The following CSF2RA variants were observed in gnomAD, a reference collection of about 807,000 sequenced individuals.
The protein encoded by CSF2RA is granulocyte-macrophage colony-stimulating factor receptor subunit alpha.
In CSF2RA, 42 loss-of-function variants were observed where a neutral mutation model predicts 51.6. The observed-to-expected ratio is 0.81, with a 90% CI of 0.64 to 1.05. The LOEUF is 1.05. CSF2RA is among the 50% of genes least tolerant of loss of function. CSF2RA has a pLI of 0.00. For missense variants in CSF2RA, 530 were observed against 501.1 expected, an observed-to-expected ratio of 1.06 and a Z score of -0.55; for synonymous variants, 222 against 193.0, an observed-to-expected ratio of 1.15 and a Z score of -1.24.
At chrX:1,289,677 T>G (rs2091156121) in intron 6 of CSF2RA, among the ~76,000 whole-genome samples, 2 of 149,660 alleles carry the variant, frequency 1.3e-5, no homozygotes, top group Admixed American at 1.3e-4. Context: ...TTTTGTTTTG[T>G]GTTGTGTTTG....
rs1428196476 is a variant in CSF2RA, at chrX:1,303,977, G to C, written c.1001G>C (p.Gly334Ala). The C allele has an allele frequency of 1.2e-6, 2 of 1,613,158 alleles. No individual in the cohort carries two copies. The highest frequency in any genetic ancestry group is 1.7e-6 in the Non-Finnish European group (2 of 1,179,770). Residue 334 changes from glycine (G) to alanine (A), a missense_variant, in exon 11 of 13, where the codon GGA (glycine) becomes GCA (alanine). Physicochemically the swap from Gly to Ala is moderately conservative, Grantham distance 60 (BLOSUM62 0). Coordinates refer to ENST00000381529, the MANE Select transcript of CSF2RA (RefSeq NM_172245.4). Reference protein sequence around the residue: ...SVYIYVLLIVGTLVCGIVLGF... With the variant: ...SVYIYVLLIVATLVCGIVLGF... ...TACATTTATGTGCTCCTAATCGTGGGAACCCTTGTCTGTGGCATCGTCCTC... is the reference window on the plus strand; with the variant it reads ...TACATTTATGTGCTCCTAATCGTGGCAACCCTTGTCTGTGGCATCGTCCTC...
intron 4 of CSF2RA, among the ~76,000 whole-genome samples, chrX:1,287,445 T>C (rs1413206304): frequency 4.7e-5 from 7 of 148,540 alleles, no homozygotes; most frequent in Admixed American, 3.4e-4. Flanking sequence ...AGCCACCGTG[T>C]CCGACCTTTA....
intron 12 of CSF2RA, 78 bp downstream of exon 12, chrX:1,305,605 C>T (rs778456206): frequency 2.0e-5 from 32 of 1,613,686 alleles, no homozygotes; most frequent in South Asian, 3.3e-5. Context: ...CTCTGGGTGT[C>T]GACCATCTTG....
chrX:1,271,673 T>C (rs2088454530), intron 1 of CSF2RA, among the ~76,000 whole-genome samples: 2 of 151,900 alleles, frequency 1.3e-5, no homozygotes, highest in Admixed American at 6.6e-5. Flanking sequence ...TGTGCTACCA[T>C]GCCCGGCTAA....
the CSF2RA span, among the ~76,000 whole-genome samples, chrX:1,316,379 A>T: frequency 6.6e-6 from 1 of 152,084 alleles, no homozygotes; most frequent in African/African-American, 2.4e-5. Context: ...GTTGGAACTG[A>T]TCTCACTTGT....
Position 1,299,904 on chromosome X carries a change from C to A in CSF2RA, c.811-587C>A, listed in dbSNP as rs1217652676. Among the ~76,000 whole-genome samples, 3 of 145,402 alleles carry A rather than the reference C, an allele frequency of 2.1e-5. 1 individual carries two copies. Among genetic ancestry groups the A allele is most frequent in the Non-Finnish European group, 4.5e-5 (3 of 66,054 alleles). ...TTGCACTCCAGCCTGGGCGACAGAG[C>A]GAGAGTGTCTCAAATAAAATAAAAT... On this transcript the variant is annotated intron_variant, in intron 9 of 12. Coordinates refer to ENST00000381529, the MANE Select transcript of CSF2RA (RefSeq NM_172245.4).
At chrX:1,290,060 TTG>T (rs1235448524) in intron 6 of CSF2RA, among the ~76,000 whole-genome samples, 1 of 151,780 alleles carries the variant, frequency 6.6e-6, no homozygotes, top group Non-Finnish European at 1.5e-5. Flanking sequence ...TTGTTTTGTT[TTG>T]TGTTTTTGAT....
In CSF2RA at chrX:1,305,500, G is replaced by A. The variant is rs752696371; in HGVS notation, c.1098G>A (p.Leu366=). 6.2e-7 allele frequency: 1 copy of A among 1,613,954 alleles called. No homozygotes were observed. Among genetic ancestry groups the A allele is most frequent in the South Asian group, 1.1e-5 (1 of 91,076 alleles). Residue 366 remains leucine, a synonymous_variant, in exon 12 of 13, where the codon CTG becomes CTA. Transcript: ENST00000381529. ...CAGTTCCACAGATCAAAGACAAACTGAATGATAACCATGAGGTGGAAGACG... is the reference window on the plus strand; with the variant it reads ...CAGTTCCACAGATCAAAGACAAACTAAATGATAACCATGAGGTGGAAGACG... ...FPPVPQIKDK[L]NDNHEVEDEI...
chrX:1,301,560 C>T (rs755036764), intron 10 of CSF2RA, among the ~76,000 whole-genome samples: 1 of 149,074 alleles, frequency 6.7e-6, no homozygotes, highest in African/African-American at 2.5e-5. Context: ...CATTCCGGCT[C>T]CCTGGCCAAG....
chrX:1,270,489 C>T (rs28709954), intron 1 of CSF2RA, among the ~76,000 whole-genome samples: 130,005 of 151,756 alleles, frequency 0.86, 56,117 homozygotes, highest in Non-Finnish European at 0.92. Context: ...TCTTCCTGCC[C>T]CAGCCTCCCA....
chrX:1,274,867 T>G, intron 2 of CSF2RA, 49 bp downstream of exon 2: 3 of 453,442 alleles, frequency 6.6e-6, no homozygotes, highest in South Asian at 4.7e-5. Context: ...GATTTTCTTT[T>G]TTTTAAGTGA....
At chrX:1,299,728 G>T (rs2092244584) in intron 9 of CSF2RA, among the ~76,000 whole-genome samples, 1 of 151,986 alleles carries the variant, frequency 6.6e-6, no homozygotes, top group African/African-American at 2.4e-5. Flanking sequence ...GACCAGCCTG[G>T]GCAACATGGA....
chrX:1,295,154 AC>A (rs2091822573), intron 8 of CSF2RA, among the ~76,000 whole-genome samples: 1 of 151,932 alleles, frequency 6.6e-6, no homozygotes, highest in East Asian at 1.9e-4. Flanking sequence ...CTCCATGTCT[AC>A]CTGGACGACA....
At position 1,284,182 on chromosome X, in the gene CSF2RA, T is replaced by C. The variant is rs1320108841; in HGVS notation, c.76+1403T>C. On this transcript the variant is annotated intron_variant, in intron 3 of 12. Coordinates refer to ENST00000381529, the MANE Select transcript of CSF2RA (RefSeq NM_172245.4). ...GCCTGTTCTCATTCAAGCGGTTTTC[T>C]TTCTCTGTCTCTCTTTTTTTTTTTT... 3.0e-5 allele frequency among the ~76,000 whole-genome samples: 4 copies of C among 133,052 alleles called. No homozygotes were observed. In the South Asian group the frequency reaches 9.0e-4, roughly 30 times the overall value. The allele number at this position is 133,052 out of a possible 152,430, so 87.3% of individuals were successfully genotyped here.
At chrX:1,281,021 CCTT>C (rs2089935704) in intron 2 of CSF2RA, among the ~76,000 whole-genome samples, 26 of 96,550 alleles carry the variant, frequency 2.7e-4, no homozygotes, top group Non-Finnish European at 4.7e-4. Flanking sequence ...TCCTCCTCCT[CCTT>C]CTCCTCCTCC....
intron 12 of CSF2RA, among the ~76,000 whole-genome samples, chrX:1,307,200 C>T (rs1298118193): frequency 6.6e-6 from 1 of 152,172 alleles, no homozygotes; most frequent in African/African-American, 2.4e-5. Context: ...AACTGTCCTG[C>T]ATTCTCAGAG....
At chrX:1,310,599 A>G (rs769323080), downstream of CSF2RA, among the ~76,000 whole-genome samples, 2 of 149,004 alleles carry the variant, frequency 1.3e-5, no homozygotes, top group East Asian at 4.0e-4. Flanking sequence ...ACCCGGGAGG[A>G]GGAGGTTGCA....
chrX:1,312,820 A>G (rs778809843), downstream of CSF2RA, among the ~76,000 whole-genome samples: 3 of 152,114 alleles, frequency 2.0e-5, no homozygotes, highest in East Asian at 5.8e-4. Context: ...TCAGAGTTTC[A>G]GGGGAGATTT....
chrX:1,302,074 A>G (rs1415538436), intron 10 of CSF2RA, among the ~76,000 whole-genome samples: 2 of 148,396 alleles, frequency 1.3e-5, no homozygotes, highest in South Asian at 2.1e-4. Flanking sequence ...CCGCCACCAC[A>G]CCCGGCTAAT....
Sources: allele counts gnomAD v4.1 joint callset (sites outside exome capture counted in the v4.1 genomes callset), GRCh38; gene constraint gnomAD v4.1.1; transcripts MANE v1.5; gene names NCBI Gene and HGNC (gene_info 2026-07-23, HGNC 2026-07-21).